Variants in ZNF469 observed in about 807,000 individuals in gnomAD.
ZNF469 encodes zinc finger protein 469.
A neutral mutation model predicts 1.0 loss-of-function variants in ZNF469; 1 was observed. That is an observed-to-expected ratio of 1.00 (90% CI 0.35 to 4.73). ZNF469 has a LOEUF of 4.73. Among genes scored for constraint, ZNF469 ranks in the 30% most tolerant of loss-of-function variants. The probability of loss-of-function intolerance (pLI) is 0.16; values close to 1 mark genes in which losing one functional copy is unlikely to be tolerated. For missense variants in ZNF469, 6,100 were observed against 5,356.3 expected, an observed-to-expected ratio of 1.14 and a Z score of -4.33; for synonymous variants, 2,703 against 2,363.4, an observed-to-expected ratio of 1.14 and a Z score of -4.17.
chr16:88,227,880 C>T, the ZNF469 span, among the ~76,000 whole-genome samples: 1 of 152,216 alleles, frequency 6.6e-6, no homozygotes, highest in African/African-American at 2.4e-5. Context: ...TGTACCCCGC[C>T]AGGCTCCGCC....
chr16:88,130,645 G>A, the ZNF469 span, among the ~76,000 whole-genome samples: 237 of 148,966 alleles, frequency 1.6e-3, 2 homozygotes, highest in African/African-American at 5.7e-3. Flanking sequence ...GGCAGAGGTT[G>A]CAGTGAGCCG....
intron 1 of ZNF469, among the ~76,000 whole-genome samples, chr16:88,399,924 G>C (rs1052819236): frequency 6.6e-6 from 1 of 152,234 alleles, no homozygotes. Flanking sequence ...CAGATCCCTA[G>C]AGAGGCAGAC....
chr16:88,231,753 G>A, the ZNF469 span, among the ~76,000 whole-genome samples: 2 of 152,032 alleles, frequency 1.3e-5, no homozygotes, highest in African/African-American at 4.8e-5. The surrounding 1 kb of genome is among the most constrained non-coding windows in gnomAD (Gnocchi z 4.5). Context: ...CTGAGCCACC[G>A]GGACAACCCC....
chr16:88,222,491 C>T, the ZNF469 span, among the ~76,000 whole-genome samples: 1 of 152,218 alleles, frequency 6.6e-6, no homozygotes, highest in East Asian at 1.9e-4. Flanking sequence ...GGTGCGGTGG[C>T]TCACGCCTGT....
the ZNF469 span, among the ~76,000 whole-genome samples, chr16:88,133,772 G>A: frequency 1.7e-3 from 253 of 152,256 alleles, 1 homozygote; most frequent in African/African-American, 5.8e-3. Context: ...ACCTCGACCT[G>A]GCTTTCTGAT....
chr16:88,267,275 C>T, the ZNF469 span, among the ~76,000 whole-genome samples: 4 of 151,530 alleles, frequency 2.6e-5, no homozygotes, highest in Non-Finnish European at 5.9e-5. Flanking sequence ...CCCGTCACCA[C>T]ATCGATTCTT....
At chr16:88,248,883 G>A in the ZNF469 span, among the ~76,000 whole-genome samples, 1 of 152,088 alleles carries the variant, frequency 6.6e-6, no homozygotes. Context: ...GTCTGGCAGG[G>A]ATGATCTCTC....
At chr16:88,206,163 C>T in the ZNF469 span, among the ~76,000 whole-genome samples, 9 of 152,204 alleles carry the variant, frequency 5.9e-5, no homozygotes, top group East Asian at 1.9e-4. Context: ...TGCCCGGAGA[C>T]GGCACCCAGG....
the ZNF469 span, among the ~76,000 whole-genome samples, chr16:88,283,701 C>T: frequency 1.3e-5 from 2 of 152,210 alleles, no homozygotes; most frequent in Non-Finnish European, 2.9e-5. Context: ...TTAGGGCTGG[C>T]CACTTTCCGG....
chr16:88,205,232 G>A, the ZNF469 span, among the ~76,000 whole-genome samples: 7 of 152,300 alleles, frequency 4.6e-5, no homozygotes, highest in African/African-American at 7.2e-5. The surrounding 1 kb of genome is among the most constrained non-coding windows in gnomAD (Gnocchi z 4.2). Context: ...ACCTCAATCC[G>A]CAATGGAGAT....
At chr16:88,326,099 T>A in the ZNF469 span, among the ~76,000 whole-genome samples, 1 of 152,236 alleles carries the variant, frequency 6.6e-6, no homozygotes, top group East Asian at 1.9e-4. Flanking sequence ...TGTCCTGGTC[T>A]CAGAGCCTTT....
chr16:88,274,775 A>G, the ZNF469 span, among the ~76,000 whole-genome samples: 2 of 152,260 alleles, frequency 1.3e-5, no homozygotes, highest in Non-Finnish European at 2.9e-5. Flanking sequence ...CCGTAGCTTC[A>G]TGGAGGACTC....
intron 1 of ZNF469, among the ~76,000 whole-genome samples, chr16:88,421,893 A>C (rs1017901462): frequency 1.3e-5 from 2 of 152,272 alleles, no homozygotes; most frequent in Non-Finnish European, 2.9e-5. Flanking sequence ...TAAGGCTGCG[A>C]ATCTGTCACA....
At chr16:88,306,885 A>G in the ZNF469 span, among the ~76,000 whole-genome samples, 1 of 152,202 alleles carries the variant, frequency 6.6e-6, no homozygotes, top group African/African-American at 2.4e-5. Flanking sequence ...CATTCTTTTA[A>G]TTCAGTGTTT....
the ZNF469 span, among the ~76,000 whole-genome samples, chr16:88,225,583 C>G: frequency 7.2e-6 from 1 of 138,468 alleles, no homozygotes; most frequent in Admixed American, 7.2e-5. Context: ...CTGCCGCAGC[C>G]TGTGTCTGTG....
At chr16:88,421,182 G>T (rs992627575) in intron 1 of ZNF469, among the ~76,000 whole-genome samples, 14 of 152,170 alleles carry the variant, frequency 9.2e-5, no homozygotes, top group Admixed American at 6.5e-4. Flanking sequence ...GCCCAGGTGG[G>T]GGCACCCCTC....
At chr16:88,112,410 G>A in the ZNF469 span, among the ~76,000 whole-genome samples, 5 of 152,334 alleles carry the variant, frequency 3.3e-5, no homozygotes, top group Middle Eastern at 3.4e-3. Context: ...AACGGGGTAC[G>A]AGGGTTCCCT....
chr16:88,264,630 AGCACCACC>A, the ZNF469 span, among the ~76,000 whole-genome samples: 1 of 36,688 alleles, frequency 2.7e-5, no homozygotes, highest in Non-Finnish European at 6.5e-5. Context: ...CCCCCTCCCC[AGCACCACC>A]GCCTGACCCC....
At position 88,422,324 on chromosome 16, in the gene ZNF469, G is replaced by T. The variant is rs1390931607; in HGVS notation, c.-191-2483G>T. 4.0e-5 allele frequency among the ~76,000 whole-genome samples: 6 copies of T among 149,058 alleles called. No individual in the cohort carries two copies. The East Asian group carries it at 1.0e-3, about 25-fold the overall frequency. On this transcript the variant is annotated intron_variant, in intron 1 of 2. Transcript: ENST00000565624. ...TGAGTGGGTGGATAGATGGGTGAGT[G>T]ATGGATGGATGGGTGAATGGGCAGG... is the stretch of plus-strand genomic sequence containing the variant.
Sources: gnomAD v4.1 joint callset for allele counts (sites outside exome capture counted in the v4.1 genomes callset) on GRCh38, gnomAD v4.1.1 for gene constraint, Gnocchi (gnomAD v3.1) non-coding constraint, MANE v1.5 for transcripts, NCBI Gene and HGNC (gene_info 2026-07-23, HGNC 2026-07-21) for gene names.